The following CENPC variants were observed in gnomAD, a reference collection of about 807,000 sequenced individuals.
The protein encoded by CENPC is CENP-C 1.
A neutral mutation model predicts 112.1 loss-of-function variants in CENPC; 63 were observed. The observed-to-expected ratio is 0.56, with a 90% CI of 0.46 to 0.69. The LOEUF (loss-of-function observed/expected upper bound fraction) is 0.69. CENPC is among the 30% of genes least tolerant of loss of function. The pLI, the probability that CENPC is intolerant of heterozygous loss-of-function variation, is 0.00. For synonymous variants in CENPC, 333 were observed against 367.6 expected (o/e 0.91, Z 1.08); for missense variants, 1,000 against 1,103.8 (o/e 0.91, Z 1.33).
intron 4 of CENPC, among the ~76,000 whole-genome samples, chr4:67,532,158 A>G (rs1726570413): frequency 6.6e-6 from 1 of 152,234 alleles, no homozygotes; most frequent in African/African-American, 2.4e-5. Flanking sequence ...GCTCATCAGC[A>G]CTGGCCATCA....
At chr4:67,493,574 T>TAA (rs1725344109) in intron 14 of CENPC, 1 of 232,962 alleles carries the variant, frequency 4.3e-6, no homozygotes, top group South Asian at 6.6e-5. Context: ...AAATGGAAAA[T>TAA]GGTTAATAGG....
Position 67,545,467 on chromosome 4 carries a change from CA to C in CENPC, c.-113del, listed in dbSNP as rs915533267. ...GCCGGAATACCAGGCCGCGGCCAAG[CA>C]ATAACCTTAAGTCTCAGGCGACTGC... On this transcript the variant is annotated 5_prime_UTR_variant, in exon 1 of 19. The change creates a new upstream start codon in the 5' untranslated region. Transcript: ENST00000273853. 3.0e-5 allele frequency: 36 copies of C among 1,187,740 alleles called. 1 individual carries two copies. The African/African-American group carries it at 5.2e-4, about 17-fold the overall frequency. 73.6% of individuals were successfully genotyped at this position (1,187,740 alleles called of 1,614,324 possible). A position where few individuals can be genotyped will look rare whatever the true frequency, so the allele number is the denominator to read the frequency against.
At chr4:67,526,426 C>T (rs962703212) in intron 5 of CENPC, among the ~76,000 whole-genome samples, 2 of 151,488 alleles carry the variant, frequency 1.3e-5, no homozygotes. Context: ...AAAAATGGAC[C>T]GATACCTCAG....
At chr4:67,510,761 G>A (rs182771831) in intron 9 of CENPC, 493 of 314,868 alleles carry the variant, frequency 1.6e-3, no homozygotes, top group Non-Finnish European at 2.5e-3. Context: ...AGGCAGGCTG[G>A]GGGCAGGTCA....
chr4:67,493,029 T>C (rs1190012288), intron 14 of CENPC, 32 bp from the exon 15 acceptor site: 5 of 1,479,904 alleles, frequency 3.4e-6, no homozygotes, highest in Admixed American at 3.0e-5. Flanking sequence ...AAAATATACA[T>C]GGGAAAGACA....
chr4:67,509,406 C>T (rs545711030), intron 9 of CENPC, among the ~76,000 whole-genome samples: 1 of 152,200 alleles, frequency 6.6e-6, no homozygotes, highest in South Asian at 2.1e-4. Flanking sequence ...TCCTTAATAT[C>T]TGATATTCCC....
intron 6 of CENPC, 104 bp downstream of exon 6, chr4:67,519,113 C>T: frequency 1.3e-5 from 10 of 793,742 alleles, no homozygotes; most frequent in East Asian, 2.8e-5. Flanking sequence ...GTTAATATTC[C>T]TCCTTCCTTA....
intron 17 of CENPC, among the ~76,000 whole-genome samples, chr4:67,479,753 T>C (rs1471575784): frequency 6.6e-6 from 1 of 152,174 alleles, no homozygotes; most frequent in African/African-American, 2.4e-5. Context: ...TCAGAATTGA[T>C]AGACCATTAG....
chr4:67,506,478 G>A (rs979564678), intron 11 of CENPC, among the ~76,000 whole-genome samples: 1 of 152,120 alleles, frequency 6.6e-6, no homozygotes, highest in Non-Finnish European at 1.5e-5. Context: ...AAGAAACTAA[G>A]GTCTACTGGA....
chr4:67,492,040 G>A (rs767652823), intron 16 of CENPC, 140 bp downstream of exon 16: 16 of 556,622 alleles, frequency 2.9e-5, no homozygotes, highest in Non-Finnish European at 4.1e-5. Flanking sequence ...TAGGTTGCTC[G>A]TTGGAATTAG....
intron 5 of CENPC, among the ~76,000 whole-genome samples, chr4:67,523,318 C>CA (rs1488540445): frequency 3.3e-5 from 5 of 151,812 alleles, no homozygotes; most frequent in Non-Finnish European, 7.4e-5. Flanking sequence ...CTCAAAAAAA[C>CA]AAAAAATGAA....
chr4:67,514,759 C>A (rs1463417953), intron 7 of CENPC, 72 bp from the exon 8 acceptor site: 17 of 1,383,900 alleles, frequency 1.2e-5, no homozygotes, highest in Non-Finnish European at 1.6e-5. Context: ...AGAAAATAAT[C>A]TAGGAAATAA....
chr4:67,491,480 T>TATATATATATATAGAGAG (rs1725270093), intron 16 of CENPC, among the ~76,000 whole-genome samples: 1 of 18,098 alleles, frequency 5.5e-5, no homozygotes, highest in African/African-American at 1.8e-4. Context: ...TATATATATA[T>TATATATATATATAGAGAG]AGAGAGAGAG....
intron 12 of CENPC, chr4:67,504,895 A>G: frequency 3.5e-6 from 1 of 283,762 alleles, no homozygotes; most frequent in Non-Finnish European, 6.5e-6. Flanking sequence ...TACAACCATC[A>G]ACCAGCTTCA....
chr4:67,474,982 T>C lies in CENPC; in HGVS notation c.2671-4A>G. On this transcript the variant is annotated splice_polypyrimidine_tract_variant and splice_region_variant and intron_variant, in intron 17 of 18. Coordinates refer to ENST00000273853, the MANE Select transcript of CENPC (RefSeq NM_001812.4). ...CACCAAAGTTAACATAAAAAACCTG[T>C]AAAAATAAAAATAAAAATCTCATTC... 7.3e-7 allele frequency: 1 copy of C among 1,377,676 alleles called. No individual in the cohort carries two copies. The highest frequency in any genetic ancestry group is 9.9e-7 in the Non-Finnish European group (1 of 1,007,910). The allele number at this position is 1,377,676 out of a possible 1,614,324, so 85.3% of individuals were successfully genotyped here. A position where few individuals can be genotyped will look rare whatever the true frequency, so the allele number is the denominator to read the frequency against.
At chr4:67,489,306 A>G (rs1280168953) in intron 17 of CENPC, among the ~76,000 whole-genome samples, 5 of 151,460 alleles carry the variant, frequency 3.3e-5, no homozygotes, top group African/African-American at 1.2e-4. Flanking sequence ...ATAAAGAGAA[A>G]GAAGGAGAAG....
intron 5 of CENPC, among the ~76,000 whole-genome samples, chr4:67,527,209 C>G (rs1305224341): frequency 1.3e-5 from 2 of 152,010 alleles, no homozygotes; most frequent in East Asian, 3.9e-4. Context: ...ACACCATGAC[C>G]ACATGGAAAT....
intron 11 of CENPC, among the ~76,000 whole-genome samples, chr4:67,505,811 T>C (rs952386676): frequency 6.6e-6 from 1 of 152,128 alleles, no homozygotes; most frequent in African/African-American, 2.4e-5. Flanking sequence ...TAACTGACAG[T>C]TGAGCATCAT....
At chr4:67,521,060 A>G (rs1726214424) in intron 5 of CENPC, among the ~76,000 whole-genome samples, 3 of 151,828 alleles carry the variant, frequency 2.0e-5, no homozygotes, top group South Asian at 4.1e-4. Context: ...TAAATAACAC[A>G]GGAAAGAACC....
Sources: gnomAD v4.1 joint callset for allele counts (sites outside exome capture counted in the v4.1 genomes callset) on GRCh38, gnomAD v4.1.1 for gene constraint, MANE v1.5 for transcripts, NCBI Gene and HGNC (gene_info 2026-07-23, HGNC 2026-07-21) for gene names.